The following BRINP1 variants were observed in gnomAD, a reference collection of about 807,000 sequenced individuals.
The protein encoded by BRINP1 is BMP/retinoic acid-inducible neural-specific protein 1.
In BRINP1, 17 loss-of-function variants were observed where a neutral mutation model predicts 72.9. That is an observed-to-expected ratio of 0.23 (90% CI 0.16 to 0.35). The LOEUF is 0.35. Among genes scored for constraint, BRINP1 ranks in the 10% least tolerant of loss-of-function variants. The pLI is 1.00. For missense variants in BRINP1, 850 were observed against 1,001.6 expected (o/e 0.85, Z 2.04); for synonymous variants, 418 against 378.5 (o/e 1.10, Z -1.21).
intron 2 of BRINP1, among the ~76,000 whole-genome samples, chr9:119,268,786 C>A (rs1006762853): frequency 6.6e-6 from 1 of 152,246 alleles, no homozygotes; most frequent in African/African-American, 2.4e-5. Context: ...TAACTGTGCC[C>A]AGCACTTAGT....
chr9:119,238,790 G>A (rs537753330), intron 4 of BRINP1, 30 bp from the exon 5 acceptor site: 2 of 1,434,888 alleles, frequency 1.4e-6, no homozygotes, highest in East Asian at 4.7e-5. Context: ...AGATAGGTGT[G>A]AGACAGCAGT....
At chr9:119,180,478 CATGTGTGTGTGTGTGTGTGT>C (rs1465813360) in intron 7 of BRINP1, among the ~76,000 whole-genome samples, 2 of 120,390 alleles carry the variant, frequency 1.7e-5, no homozygotes, top group African/African-American at 6.0e-5. Context: ...TCTCTCTGTG[CATGTGTGTGTGTGTGTGTGT>C]GTGTGTGTGT....
chr9:119,327,178 T>A (rs570920471), intron 1 of BRINP1, among the ~76,000 whole-genome samples: 1 of 152,326 alleles, frequency 6.6e-6, no homozygotes, highest in African/African-American at 2.4e-5. Context: ...GGGGTACATG[T>A]GCAAGATGTT....
At chr9:119,208,999 T>C in intron 6 of BRINP1, 58 bp from the exon 7 acceptor site, 2 of 1,400,482 alleles carry the variant, frequency 1.4e-6, no homozygotes, top group Non-Finnish European at 2.0e-6. Flanking sequence ...CCATCTAAAG[T>C]GGCCTTGAAT....
At chr9:119,351,919 C>A (rs1831511619) in intron 1 of BRINP1, among the ~76,000 whole-genome samples, 1 of 151,890 alleles carries the variant, frequency 6.6e-6, no homozygotes, top group East Asian at 1.9e-4. Context: ...TGGGTTCAAG[C>A]CTCAGCCTCC....
At chr9:119,301,043 G>A (rs1251313638) in intron 2 of BRINP1, among the ~76,000 whole-genome samples, 4 of 152,148 alleles carry the variant, frequency 2.6e-5, no homozygotes, top group Non-Finnish European at 5.9e-5. Flanking sequence ...TCCAAATACT[G>A]TAACTTTTTA....
At chr9:119,173,146 A>G (rs1829437112) in intron 7 of BRINP1, among the ~76,000 whole-genome samples, 2 of 148,252 alleles carry the variant, frequency 1.3e-5, no homozygotes, top group Admixed American at 6.8e-5. Flanking sequence ...ATTAGGCAGG[A>G]GAAGGAAATA....
intron 1 of BRINP1, among the ~76,000 whole-genome samples, chr9:119,318,704 T>C (rs1048488905): frequency 7.2e-5 from 11 of 152,172 alleles, no homozygotes; most frequent in African/African-American, 2.2e-4. Context: ...CCCTTCTACA[T>C]GGCTTCTATT....
chr9:119,278,110 G>A (rs1830674073), intron 2 of BRINP1, among the ~76,000 whole-genome samples: 1 of 152,104 alleles, frequency 6.6e-6, no homozygotes, highest in African/African-American at 2.4e-5. Context: ...ACTTGGATGA[G>A]GTAGACAAAT....
At chr9:119,254,013 T>G (rs540903832) in intron 2 of BRINP1, among the ~76,000 whole-genome samples, 89 of 152,280 alleles carry the variant, frequency 5.8e-4, no homozygotes, top group Non-Finnish European at 1.0e-3. Flanking sequence ...TTTTACACTC[T>G]TTACCAAAGT....
chr9:119,359,315 C>A (rs1025196300), intron 1 of BRINP1, among the ~76,000 whole-genome samples: 3 of 152,108 alleles, frequency 2.0e-5, no homozygotes, highest in African/African-American at 4.8e-5. Context: ...TGCCTCAGCA[C>A]CCCCGAAGTA....
At chr9:119,193,683 T>C (rs1411062762) in intron 7 of BRINP1, among the ~76,000 whole-genome samples, 1 of 152,190 alleles carries the variant, frequency 6.6e-6, no homozygotes, top group Non-Finnish European at 1.5e-5. Context: ...CAATACAATT[T>C]GTTTTCAAAA....
chr9:119,356,555 C>G (rs1453573761), intron 1 of BRINP1, among the ~76,000 whole-genome samples: 1 of 152,114 alleles, frequency 6.6e-6, no homozygotes, highest in African/African-American at 2.4e-5. Context: ...GTAATCCTAG[C>G]ACTTTGGGAG....
intron 7 of BRINP1, among the ~76,000 whole-genome samples, chr9:119,191,882 G>A (rs1432145358): frequency 7.3e-5 from 11 of 151,642 alleles, no homozygotes; most frequent in African/African-American, 2.4e-4. Flanking sequence ...AAACAATATA[G>A]AACTGGCATA....
At chr9:119,278,618 G>A (rs1168171207) in intron 2 of BRINP1, among the ~76,000 whole-genome samples, 2 of 152,178 alleles carry the variant, frequency 1.3e-5, no homozygotes, top group South Asian at 2.1e-4. Context: ...AGCTGGGCGC[G>A]GTGGCTCGCG....
intron 5 of BRINP1, among the ~76,000 whole-genome samples, chr9:119,215,436 T>G (rs2118878769): frequency 6.6e-6 from 1 of 152,310 alleles, no homozygotes; most frequent in South Asian, 2.1e-4. Flanking sequence ...TCCACCTCAT[T>G]TGGAGCTGCA....
intron 2 of BRINP1, among the ~76,000 whole-genome samples, chr9:119,295,592 A>G (rs1460521397): frequency 6.6e-6 from 1 of 152,246 alleles, no homozygotes; most frequent in Non-Finnish European, 1.5e-5. Flanking sequence ...ACTGTCATAT[A>G]CACAGTGTGT....
chr9:119,323,076 G>C (rs1041842797), intron 1 of BRINP1, among the ~76,000 whole-genome samples: 3 of 152,120 alleles, frequency 2.0e-5, no homozygotes, highest in Non-Finnish European at 4.4e-5. Context: ...AAGATGCCAG[G>C]ACTAGGAGTG....
intron 1 of BRINP1, among the ~76,000 whole-genome samples, chr9:119,360,503 T>C (rs1831618486): frequency 6.8e-6 from 1 of 146,546 alleles, no homozygotes; most frequent in South Asian, 2.5e-4. Flanking sequence ...TTTGCTCTTC[T>C]AGGTTTATCT....
Sources: allele counts gnomAD v4.1 joint callset (sites outside exome capture counted in the v4.1 genomes callset), GRCh38; gene constraint gnomAD v4.1.1; transcripts MANE v1.5; gene names NCBI Gene and HGNC (gene_info 2026-07-23, HGNC 2026-07-21).